Variants in ALK observed in about 807,000 individuals in gnomAD.
ALK encodes the protein ALK tyrosine kinase receptor.
A neutral mutation model predicts 163.1 loss-of-function variants in ALK; 74 were observed. That is an observed-to-expected ratio of 0.45 (90% CI 0.38 to 0.55). The LOEUF is 0.55. Ranked by LOEUF, ALK falls within the 20% of genes least tolerant of loss-of-function variation. ALK has a pLI of 0.00. For synonymous variants in ALK, 960 were observed against 843.2 expected (o/e 1.14, Z -2.40); for missense variants, 2,063 against 2,105.3 (o/e 0.98, Z 0.39).
intron 11 of ALK, among the ~76,000 whole-genome samples, chr2:29,273,058 C>T (rs896963155): frequency 6.6e-6 from 1 of 152,216 alleles, no homozygotes; most frequent in African/African-American, 2.4e-5. Context: ...CCTTTCCTTC[C>T]CCCTCTGGCC....
chr2:29,816,640 T>C (rs1161632824), intron 1 of ALK, among the ~76,000 whole-genome samples: 1 of 152,132 alleles, frequency 6.6e-6, no homozygotes, highest in African/African-American at 2.4e-5. Context: ...CTGTCCAGTG[T>C]TGGAAGGAAA....
In ALK at chr2:29,722,673, C is replaced by T. The variant is rs115521337; in HGVS notation, c.668-4976G>A. On this transcript the variant is annotated intron_variant, in intron 1 of 28. Coordinates refer to ENST00000389048, the MANE Select transcript of ALK (RefSeq NM_004304.5). The stretch of plus-strand genomic sequence containing the variant: ...CAGTTTCATGGCTCTAAATATCATC[C>T]ACATACTACTGTTACCAAATTTGTG... 2.1e-3 allele frequency among the ~76,000 whole-genome samples: 317 copies of T among 152,266 alleles called. 1 individual carries two copies. The highest frequency in any genetic ancestry group is 7.2e-3 in the African/African-American group (301 of 41,552).
chr2:29,831,259 G>GAAGAAGAAGAAGAA lies in ALK; in HGVS notation c.667+88733_667+88734insTTCTTCTTCTTCTT, dbSNP rs1665405322. 2.2e-3 allele frequency among the ~76,000 whole-genome samples: 63 copies of GAAGAAGAAGAAGAA among 28,150 alleles called. 5 individuals carry two copies. Among genetic ancestry groups the GAAGAAGAAGAAGAA allele is most frequent in the Admixed American group, 5.9e-3 (9 of 1,520 alleles). 18.5% of individuals were successfully genotyped at this position (28,150 alleles called of 152,430 possible). A position where few individuals can be genotyped will look rare whatever the true frequency, so the allele number is the denominator to read the frequency against. Reference sequence around the variant, plus strand: ...AGGAAGAAGAAGAGGAAGAGGAAGAGGAAGAAGAAGAAGAAGAAGAAGAAG... The same window carrying GAAGAAGAAGAAGAA: ...AGGAAGAAGAAGAGGAAGAGGAAGAGAAGAAGAAGAAGAAGAAGAAGAAGAAGAAGAAGAAGAAG... On this transcript the variant is annotated intron_variant, in intron 1 of 28. Transcript: ENST00000389048.
chr2:29,745,171 T>TAAAA (rs1680178430), intron 1 of ALK, among the ~76,000 whole-genome samples: 1 of 152,166 alleles, frequency 6.6e-6, no homozygotes, highest in African/African-American at 2.4e-5. Context: ...TCATTTCAGT[T>TAAAA]TCAATCCTGA....
intron 5 of ALK, among the ~76,000 whole-genome samples, chr2:29,344,084 TAC>T (rs1353242632): frequency 6.6e-6 from 1 of 152,244 alleles, no homozygotes; most frequent in Admixed American, 6.5e-5. Context: ...AAGTGTCTCC[TAC>T]ATAGTAGGTA....
At chr2:29,698,186 G>A (rs1573564648) in intron 2 of ALK, among the ~76,000 whole-genome samples, 1 of 152,094 alleles carries the variant, frequency 6.6e-6, no homozygotes, top group East Asian at 1.9e-4. Flanking sequence ...CTCTACAGTT[G>A]GTGTCCAGGA....
intron 28 of ALK, 114 bp from the exon 29 acceptor site, chr2:29,194,036 T>A: frequency 9.4e-7 from 1 of 1,062,168 alleles, no homozygotes; most frequent in East Asian, 2.5e-5. Flanking sequence ...GAAACCAGGA[T>A]TTATTGAGAA....
chr2:29,409,706 G>A (rs4665457), intron 4 of ALK, among the ~76,000 whole-genome samples: 148,410 of 152,236 alleles, frequency 0.97, 72,450 homozygotes, highest in Non-Finnish European at 1. Flanking sequence ...CCGTGGTGCA[G>A]TATTTTTGCT....
chr2:29,471,779 T>C (rs374336003), intron 4 of ALK, among the ~76,000 whole-genome samples: 14 of 152,050 alleles, frequency 9.2e-5, no homozygotes, highest in African/African-American at 3.1e-4. Flanking sequence ...TTCACTCTTG[T>C]TGCCCAGACT....
At chr2:29,393,715 C>A (rs1669236950) in intron 4 of ALK, among the ~76,000 whole-genome samples, 1 of 152,212 alleles carries the variant, frequency 6.6e-6, no homozygotes, top group African/African-American at 2.4e-5. Flanking sequence ...CTAGGAGTGT[C>A]CAGAGTGACC....
At chr2:29,337,291 G>A (rs981259560) in intron 5 of ALK, among the ~76,000 whole-genome samples, 8 of 152,176 alleles carry the variant, frequency 5.3e-5, no homozygotes, top group South Asian at 4.2e-4. Context: ...AGCGAGGAGC[G>A]GGTCTTGCTA....
intron 3 of ALK, among the ~76,000 whole-genome samples, chr2:29,663,815 C>A (rs778152091): frequency 6.6e-6 from 1 of 152,022 alleles, no homozygotes. Flanking sequence ...TAGTCTGTAA[C>A]CTATTATGTT....
chr2:29,558,336 C>G (rs1286727932), intron 3 of ALK, among the ~76,000 whole-genome samples: 5 of 152,168 alleles, frequency 3.3e-5, no homozygotes, highest in African/African-American at 1.2e-4. Context: ...GGCCCAGTGA[C>G]TTCATTGCCT....
At chr2:29,557,981 C>T (rs936101619) in intron 3 of ALK, among the ~76,000 whole-genome samples, 9 of 152,296 alleles carry the variant, frequency 5.9e-5, no homozygotes, top group African/African-American at 1.4e-4. Flanking sequence ...GAAAGGCTGT[C>T]TCTTTCCTCC....
chr2:29,591,461 G>A (rs959936724), intron 3 of ALK, among the ~76,000 whole-genome samples: 1 of 152,154 alleles, frequency 6.6e-6, no homozygotes, highest in East Asian at 1.9e-4. Context: ...TAGGCAAGTG[G>A]GCATGGCCAC....
intron 1 of ALK, among the ~76,000 whole-genome samples, chr2:29,917,565 G>A (rs138893790): frequency 1.7e-4 from 26 of 152,290 alleles, no homozygotes; most frequent in Non-Finnish European, 3.2e-4. Context: ...TACTCCATGG[G>A]GATGTCTGCA....
chr2:29,736,420 G>T (rs1445642981), intron 1 of ALK, among the ~76,000 whole-genome samples: 2 of 151,600 alleles, frequency 1.3e-5, no homozygotes, highest in Non-Finnish European at 2.9e-5. Context: ...AATAAAGTAA[G>T]CCATGTTCAT....
rs1367369138 is a variant in ALK, at chr2:29,246,466, C to T, written c.2204+4639G>A. ...GGCACTGCAGTGGCCTCCCACTCTC[C>T]CATCCGCTCCAGCCACCCACCCTCT... On this transcript the variant is annotated intron_variant, in intron 12 of 28. Transcript: ENST00000389048. The surrounding 1 kb of genome is among the most constrained non-coding windows in gnomAD (Gnocchi z 4.3). Among the ~76,000 whole-genome samples, 4 of 152,204 alleles carry T rather than the reference C, an allele frequency of 2.6e-5. No individual in the cohort carries two copies. Among genetic ancestry groups the T allele is most frequent in the Non-Finnish European group, 4.4e-5 (3 of 68,030 alleles).
At chr2:29,784,690 C>A (rs1238158746) in intron 1 of ALK, among the ~76,000 whole-genome samples, 2 of 123,198 alleles carry the variant, frequency 1.6e-5, no homozygotes, top group South Asian at 6.3e-4. Context: ...GCAAGACCTC[C>A]GTCTCAACAA....
Sources: gnomAD v4.1 joint callset for allele counts (sites outside exome capture counted in the v4.1 genomes callset) on GRCh38, gnomAD v4.1.1 for gene constraint, Gnocchi (gnomAD v3.1) non-coding constraint, MANE v1.5 for transcripts, NCBI Gene and HGNC (gene_info 2026-07-23, HGNC 2026-07-21) for gene names.